Variants in DSCAM observed in about 807,000 individuals in gnomAD.
DSCAM encodes DS cell adhesion molecule, also known as cell adhesion molecule DSCAM.
A neutral mutation model predicts 217.7 loss-of-function variants in DSCAM; 47 were observed. That is an observed-to-expected ratio of 0.22 (90% CI 0.17 to 0.28). DSCAM has a LOEUF of 0.28. DSCAM is among the 10% of genes least tolerant of loss of function. The pLI, the probability that DSCAM is intolerant of heterozygous loss-of-function variation, is 1.00. For missense variants in DSCAM, 2,080 were observed against 2,618.3 expected (o/e 0.79, Z 4.49); for synonymous variants, 1,056 against 1,015.3 (o/e 1.04, Z -0.76).
chr21:40,198,920 C>T (rs35451486), intron 11 of DSCAM, among the ~76,000 whole-genome samples: 1,904 of 152,288 alleles, frequency 0.013, 18 homozygotes, highest in Non-Finnish European at 0.019. Flanking sequence ...GGTCTTGTAC[C>T]GATGATGCTG....
At position 40,178,976 on chromosome 21, in the gene DSCAM, A is replaced by G; in HGVS notation, c.2898T>C (p.Ile966=). The G allele has an allele frequency of 6.2e-7, 1 of 1,614,122 alleles. No individual in the cohort carries two copies. Reference sequence around the variant, plus strand: ...GCTCGTTGCTGGGCTCGCTCTTGCCAATCCGGTTCTTGGCGTACATGCGGA... The same window carrying G: ...GCTCGTTGCTGGGCTCGCTCTTGCCGATCCGGTTCTTGGCGTACATGCGGA... ...YSIRMYAKNR[I]GKSEPSNELT... Residue 966 remains isoleucine, a synonymous_variant, in exon 15 of 33, where the codon ATT becomes ATC. Coordinates refer to ENST00000400454, the MANE Select transcript of DSCAM (RefSeq NM_001389.5).
intron 5 of DSCAM, 52 bp downstream of exon 5, chr21:40,353,413 A>C (rs2074654932): frequency 3.8e-6 from 6 of 1,580,362 alleles, no homozygotes; most frequent in Non-Finnish European, 4.3e-6. Flanking sequence ...TTATAACAGG[A>C]GCTCCATCGA....
intron 1 of DSCAM, among the ~76,000 whole-genome samples, chr21:40,798,881 A>G (rs1313308306): frequency 6.6e-6 from 1 of 152,136 alleles, no homozygotes; most frequent in Non-Finnish European, 1.5e-5. Context: ...TACAAAATTA[A>G]AGAGATTAAA....
intron 4 of DSCAM, among the ~76,000 whole-genome samples, chr21:40,356,375 T>C (rs935636856): frequency 5.7e-4 from 76 of 132,366 alleles, no homozygotes; most frequent in African/African-American, 2.0e-3. Context: ...GATATGTTAT[T>C]TTGCTTGATA....
At chr21:40,646,769 C>T (rs1231033890) in intron 3 of DSCAM, among the ~76,000 whole-genome samples, 2 of 152,156 alleles carry the variant, frequency 1.3e-5, no homozygotes, top group Admixed American at 6.5e-5. Flanking sequence ...GGAACACTCT[C>T]GACTCTTGTT....
intron 1 of DSCAM, among the ~76,000 whole-genome samples, chr21:40,748,911 A>G (rs1288654245): frequency 6.6e-6 from 1 of 152,102 alleles, no homozygotes; most frequent in Non-Finnish European, 1.5e-5. Context: ...AAAATACAGA[A>G]CCTAGAAATA....
intron 20 of DSCAM, among the ~76,000 whole-genome samples, chr21:40,096,352 C>T (rs2089676810): frequency 6.6e-6 from 1 of 152,150 alleles, no homozygotes; most frequent in Non-Finnish European, 1.5e-5. Context: ...TGTGCTCGGA[C>T]CACCTTGAGC....
intron 32 of DSCAM, among the ~76,000 whole-genome samples, chr21:40,022,449 C>CT (rs1218717652): frequency 6.6e-6 from 1 of 152,216 alleles, no homozygotes; most frequent in Non-Finnish European, 1.5e-5. Context: ...TTTAATTCTA[C>CT]TTATAAAGCA....
At chr21:40,712,618 G>A (rs923121303) in intron 1 of DSCAM, among the ~76,000 whole-genome samples, 1 of 151,966 alleles carries the variant, frequency 6.6e-6, no homozygotes, top group East Asian at 1.9e-4. Context: ...AATGCTAGTT[G>A]GTGCATTCAC....
chr21:40,352,978 A>T (rs1288186036), intron 5 of DSCAM, among the ~76,000 whole-genome samples: 3 of 152,204 alleles, frequency 2.0e-5, no homozygotes, highest in African/African-American at 7.2e-5. Context: ...ATATTTGGGT[A>T]TGTTTGAGCC....
At chr21:40,123,440 CATA>C (rs1177672905) in intron 20 of DSCAM, among the ~76,000 whole-genome samples, 1 of 152,160 alleles carries the variant, frequency 6.6e-6, no homozygotes. Context: ...CAGAAAATGT[CATA>C]ATGTTTCCAT....
chr21:40,198,994 A>G (rs2091043456), intron 11 of DSCAM, among the ~76,000 whole-genome samples: 1 of 152,186 alleles, frequency 6.6e-6, no homozygotes, highest in Non-Finnish European at 1.5e-5. Context: ...GTAGAAAGAA[A>G]CAGCCCAGGT....
At chr21:40,660,738 G>C (rs1324567277) in intron 3 of DSCAM, among the ~76,000 whole-genome samples, 18 of 152,170 alleles carry the variant, frequency 1.2e-4, no homozygotes, top group African/African-American at 4.1e-4. Context: ...CCTAAGCTGA[G>C]AGCATGTCTG....
In DSCAM at chr21:40,521,954, C is replaced by T. The variant is rs550196172; in HGVS notation, c.509-152709G>A. 7.2e-5 allele frequency among the ~76,000 whole-genome samples: 11 copies of T among 152,272 alleles called. No individual in the cohort carries two copies. In the South Asian group the frequency reaches 1.7e-3, roughly 23 times the overall value. On this transcript the variant is annotated intron_variant, in intron 3 of 32. Transcript: ENST00000400454. ...AACGTATACACGTTTCAAAACATTACGTTGTGCCCCATAAATAGGTACAAT... is the reference window on the plus strand; with the variant it reads ...AACGTATACACGTTTCAAAACATTATGTTGTGCCCCATAAATAGGTACAAT...
intron 1 of DSCAM, among the ~76,000 whole-genome samples, chr21:40,845,053 G>A (rs1601339024): frequency 6.6e-6 from 1 of 152,170 alleles, no homozygotes; most frequent in Non-Finnish European, 1.5e-5. Context: ...AGCAGAAAGG[G>A]CTGACTTCCC....
intron 9 of DSCAM, 83 bp from the exon 10 acceptor site, chr21:40,296,257 TAATG>T: frequency 6.9e-7 from 1 of 1,450,624 alleles, no homozygotes; most frequent in Non-Finnish European, 9.5e-7. Context: ...TGAATCATTT[TAATG>T]AATATTAAAA....
intron 15 of DSCAM, among the ~76,000 whole-genome samples, chr21:40,178,194 C>G (rs559465799): frequency 6.8e-6 from 1 of 147,460 alleles, no homozygotes. Context: ...GTTAATTTCA[C>G]CCCCCCGGAA....
rs774248996 is a variant in DSCAM, at chr21:40,044,305, T to C, written c.5186-30A>G. 9 of 1,599,892 alleles carry C rather than the reference T, an allele frequency of 5.6e-6. No individual in the cohort carries two copies. In the Admixed American group the frequency reaches 8.6e-5, roughly 15 times the overall value. On this transcript the variant is annotated intron_variant, in intron 30 of 32. Transcript: ENST00000400454. ...GAAGAGCCAAGAATCATGTCTGCCT[T>C]TGTCTGCAGGAGTGTGGTCAGCTGA...
At chr21:40,199,120 T>A (rs1383640235) in intron 11 of DSCAM, among the ~76,000 whole-genome samples, 1 of 152,182 alleles carries the variant, frequency 6.6e-6, no homozygotes, top group Non-Finnish European at 1.5e-5. Flanking sequence ...CTGCCCATCA[T>A]GAAGGCAATG....
Sources: gnomAD v4.1 joint callset for allele counts (sites outside exome capture counted in the v4.1 genomes callset) on GRCh38, gnomAD v4.1.1 for gene constraint, MANE v1.5 for transcripts, NCBI Gene and HGNC (gene_info 2026-07-23, HGNC 2026-07-21) for gene names.